SPRY1: variants seen among roughly 807,000 people sequenced by gnomAD.
The protein encoded by SPRY1 is protein sprouty homolog 1.
Under a neutral mutation model 22.6 loss-of-function variants are expected in SPRY1, and 20 were observed. That is an observed-to-expected ratio of 0.89 (90% confidence interval 0.62 to 1.29). The LOEUF is 1.29. SPRY1 is among the 50% of genes most tolerant of loss of function. SPRY1 has a pLI of 0.00. For synonymous variants in SPRY1, 155 were observed against 144.7 expected (o/e 1.07, Z -0.51); for missense variants, 446 against 387.7 (o/e 1.15, Z -1.26).
Position 123,403,703 on chromosome 4 carries a change from C to G in SPRY1, c.*1152C>G, listed in dbSNP as rs557885146. 1 of 166,874 alleles carries G rather than the reference C, an allele frequency of 6.0e-6. No individual in the cohort carries two copies. The highest frequency in any genetic ancestry group is 2.4e-5 in the African/African-American group (1 of 41,396). 10.3% of individuals were successfully genotyped at this position (166,874 alleles called of 1,614,324 possible). On this transcript the variant is annotated 3_prime_UTR_variant, in exon 3 of 3. Coordinates refer to ENST00000651917, the MANE Select transcript of SPRY1 (RefSeq NM_001258038.2). ...ATACTTAACGGAAAATAAGGTGACA[C>G]GAAGAAAGTACATATGTTAACTATA...
intron 2 of SPRY1, chr4:123,398,142 C>T (rs995988228): frequency 6.6e-6 from 1 of 152,368 alleles, no homozygotes; most frequent in Non-Finnish European, 1.5e-5. Context: ...CCGCCACTCC[C>T]CTACTTGTTT....
Position 123,402,083 on chromosome 4 carries a change from T to G in SPRY1, c.492T>G (p.Asp164Glu), listed in dbSNP as rs1037464836. 1 of 1,614,206 alleles carries G rather than the reference T, an allele frequency of 6.2e-7. No homozygotes were observed. Among genetic ancestry groups the G allele is most frequent in the African/African-American group, 1.3e-5 (1 of 75,052 alleles). The change falls in exon 3 of 3, where the codon GAT becomes GAG. Residue 164 changes from aspartate to glutamate, a missense_variant. Asp to Glu is a conservative substitution (Grantham distance 45, BLOSUM62 2). Coordinates refer to ENST00000651917, the MANE Select transcript of SPRY1 (RefSeq NM_001258038.2). The stretch of plus-strand genomic sequence containing the variant: ...CCCAGCCCAAGCAACTGATTGTGGA[T>G]GACTTGAAGGGTTCCTTGAAAGAGG... Reference protein sequence around the residue: ...IRTQPKQLIVDDLKGSLKEDL... With the variant: ...IRTQPKQLIVEDLKGSLKEDL...
rs543571338 is a variant in SPRY1 at position 123,401,426 on chromosome 4, G to A, written c.-55-111G>A. On this transcript the variant is annotated intron_variant, in intron 2 of 2. Coordinates refer to ENST00000651917, the MANE Select transcript of SPRY1 (RefSeq NM_001258038.2). The stretch of plus-strand genomic sequence containing the variant: ...TCATTGTAATCCACTGATGAAGGAG[G>A]TCATTACTAGGCGGTTTAGGCAATT... 3 of 877,006 alleles carry A rather than the reference G, an allele frequency of 3.4e-6. No homozygotes were observed. In the East Asian group the frequency reaches 7.5e-5, roughly 22 times the overall value. The allele number at this position is 877,006 out of a possible 1,614,324, so 54.3% of individuals were successfully genotyped here. A position where few individuals can be genotyped will look rare whatever the true frequency, so the allele number is the denominator to read the frequency against.
At chr4:123,400,639 G>C (rs895129180) in intron 2 of SPRY1, among the ~76,000 whole-genome samples, 1 of 152,180 alleles carries the variant, frequency 6.6e-6, no homozygotes, top group Non-Finnish European at 1.5e-5. Flanking sequence ...TTGGCAGTGC[G>C]TTTGAAAATC....
At position 123,401,977 on chromosome 4, in the gene SPRY1, C is replaced by T. The variant is rs1224884461; in HGVS notation, c.386C>T (p.Ala129Val). 6.2e-7 allele frequency: 1 copy of T among 1,614,058 alleles called. No homozygotes were observed. The highest frequency in any genetic ancestry group is 8.5e-7 in the Non-Finnish European group (1 of 1,180,038). ...SAASSGSNSSASSEQGLLGRS... is the reference protein window; with the variant it reads ...SAASSGSNSSVSSEQGLLGRS... ...GCCAGCTCTGGGAGCAACAGCAGTG[C>T]CTCTTCTGAACAGGGACTGTTAGGA... Residue 129 changes from alanine to valine, a missense_variant, in exon 3 of 3, where the codon GCC becomes GTC. Physicochemically the swap from Ala to Val is moderately conservative, Grantham distance 64. Coordinates refer to ENST00000651917, the MANE Select transcript of SPRY1 (RefSeq NM_001258038.2).
At chr4:123,398,758 C>G (rs1247444691) in intron 2 of SPRY1, among the ~76,000 whole-genome samples, 1 of 152,128 alleles carries the variant, frequency 6.6e-6, no homozygotes, top group African/African-American at 2.4e-5. Context: ...GGCTGCGGAA[C>G]GTAACAGGAC....
rs114172721 is a variant in SPRY1, at chr4:123,401,744, T to C, written c.153T>C (p.Asn51=). The part of the protein sequence containing the change: ...LDQIKAIRGS[N]EYTEGPSVVK... ...AGATCAAGGCCATAAGAGGCAGCAA[T>C]GAATACACAGAAGGGCCTTCGGTGG... The change falls in exon 3 of 3, where the codon AAT becomes AAC. Residue 51 remains asparagine (N), a synonymous_variant. Coordinates refer to ENST00000651917, the MANE Select transcript of SPRY1 (RefSeq NM_001258038.2). 3.5e-4 allele frequency: 563 copies of C among 1,614,100 alleles called. 2 individuals are homozygous for C. The highest frequency in any genetic ancestry group is 3.3e-3 in the African/African-American group (245 of 74,994).
In SPRY1 at chr4:123,401,311, T is replaced by G. The variant is rs529260838; in HGVS notation, c.-55-226T>G. Among the ~76,000 whole-genome samples, 30 of 152,320 alleles carry G rather than the reference T, an allele frequency of 2.0e-4. No homozygotes were observed. In the South Asian group the frequency reaches 5.2e-3, roughly 26 times the overall value. ...TTAAAAGTTGGAAAAACTTATAATG[T>G]TCATGGCATGGGGTCTCTTGTTTAT... On this transcript the variant is annotated intron_variant, in intron 2 of 2. Transcript: ENST00000651917.
Position 123,401,065 on chromosome 4 carries a change from A to G in SPRY1, c.-55-472A>G, listed in dbSNP as rs770548393. ...TTTTTTCATCATTAATCTAATGCAT[A>G]TAACAGCACACAACAAAAAGGCTGT... On this transcript the variant is annotated intron_variant, in intron 2 of 2. Transcript: ENST00000651917. Among the ~76,000 whole-genome samples, 8 of 152,212 alleles carry G rather than the reference A, an allele frequency of 5.3e-5. No homozygotes were observed. The South Asian group carries it at 1.5e-3, about 28-fold the overall frequency.
At chr4:123,398,017 G>A (rs946376427) in intron 2 of SPRY1, 161 bp downstream of exon 2, 1 of 152,066 alleles carries the variant, frequency 6.6e-6, no homozygotes, top group Non-Finnish European at 1.5e-5. Flanking sequence ...CCGTGACGTG[G>A]ATTTTTCGCT....
chr4:123,400,835 A>G (rs1179372020), intron 2 of SPRY1, among the ~76,000 whole-genome samples: 4 of 152,168 alleles, frequency 2.6e-5, no homozygotes, highest in Admixed American at 1.3e-4. Flanking sequence ...GTACTGTTAT[A>G]TATCATTCAC....
Position 123,403,545 on chromosome 4 carries a change from CTA to C in SPRY1, c.*996_*997del, listed in dbSNP as rs34011364. On this transcript the variant is annotated 3_prime_UTR_variant, in exon 3 of 3. Transcript: ENST00000651917. ...TATAAATCACAAAGTTGAATTCTGA[CTA>C]TTTTTAAGACAAAAGTCTGTTAAAC... 3,011 of 167,064 alleles carry C rather than the reference CTA, an allele frequency of 0.018. 41 individuals are homozygous for C. Among genetic ancestry groups the C allele is most frequent in the Non-Finnish European group, 0.029 (1,976 of 68,086 alleles). 10.3% of individuals were successfully genotyped at this position (167,064 alleles called of 1,614,324 possible).
chr4:123,402,026 C>A lies in SPRY1; in HGVS notation c.435C>A (p.Val145=). The change falls in exon 3 of 3, where the codon GTC becomes GTA. Residue 145 remains valine (V), a synonymous_variant. Transcript: ENST00000651917. ...LLGRSPPTRP[V]PGHRSERAIR... ...GAAGGTCACCACCAACCAGACCAGT[C>A]CCTGGTCATAGGTCTGAAAGGGCAA... The A allele has an allele frequency of 6.2e-7, 1 of 1,614,108 alleles. No individual in the cohort carries two copies. The highest frequency in any genetic ancestry group is 1.3e-5 in the African/African-American group (1 of 75,016).
In SPRY1 at chr4:123,402,954, T is replaced by A. The variant is rs1395386236; in HGVS notation, c.*403T>A. Reference sequence around the variant, plus strand: ...AATTGGTTTTTTAAAAAGCAACTGTTTAATTGCTTAAATAAGCTATGTATT... The same window carrying A: ...AATTGGTTTTTTAAAAAGCAACTGTATAATTGCTTAAATAAGCTATGTATT... On this transcript the variant is annotated 3_prime_UTR_variant, in exon 3 of 3. Coordinates refer to ENST00000651917, the MANE Select transcript of SPRY1 (RefSeq NM_001258038.2). 2.3e-6 allele frequency: 1 copy of A among 429,036 alleles called. No individual in the cohort carries two copies. The highest frequency in any genetic ancestry group is 4.3e-6 in the Non-Finnish European group (1 of 234,750). 26.6% of individuals were successfully genotyped at this position (429,036 alleles called of 1,614,324 possible).
intron 2 of SPRY1, chr4:123,398,468 T>G (rs920955842): frequency 6.6e-6 from 1 of 151,270 alleles, no homozygotes; most frequent in Non-Finnish European, 1.5e-5. Context: ...CACCAGGACC[T>G]GGGCCGGGTC....
intron 2 of SPRY1, among the ~76,000 whole-genome samples, chr4:123,400,900 G>T (rs1725119719): frequency 6.6e-6 from 1 of 152,106 alleles, no homozygotes; most frequent in African/African-American, 2.4e-5. Flanking sequence ...AAAACACCAA[G>T]AATCGTTGTG....
chr4:123,401,715 GA>G lies in SPRY1; in HGVS notation c.125del (p.Asp42AlafsTer6). ...EIQPTAILSLDQIKAIRGSNE... is the reference protein window; with the variant it reads ...EIQPTAILSLXQIKAIRGSNE... ...TCAGCCTACTGCTATTTTGTCCTTA[GA>G]CCAGATCAAGGCCATAAGAGGCAGC... On this transcript the variant is annotated frameshift_variant, in exon 3 of 3. Coordinates refer to ENST00000651917, the MANE Select transcript of SPRY1 (RefSeq NM_001258038.2). LOFTEE classifies it high-confidence loss of function. 2 of 1,614,150 alleles carry G rather than the reference GA, an allele frequency of 1.2e-6. No homozygotes were observed. Among genetic ancestry groups the G allele is most frequent in the Non-Finnish European group, 1.7e-6 (2 of 1,180,038 alleles).
chr4:123,402,238 T>G lies in SPRY1; in HGVS notation c.647T>G (p.Val216Gly). Residue 216 changes from valine (V) to glycine (G), a missense_variant, in exon 3 of 3, where the codon GTG becomes GGG. By Grantham distance (109) the Val-to-Gly change is moderately radical. Coordinates refer to ENST00000651917, the MANE Select transcript of SPRY1 (RefSeq NM_001258038.2). ...RQCLCSAESMVEYGTCMCLVK... is the reference protein window; with the variant it reads ...RQCLCSAESMGEYGTCMCLVK... ...TGCCTTTGCTCTGCTGAGAGCATGG[T>G]GGAATATGGAACCTGCATGTGCTTA... 2 of 1,614,238 alleles carry G rather than the reference T, an allele frequency of 1.2e-6. No homozygotes were observed. Among genetic ancestry groups the G allele is most frequent in the Non-Finnish European group, 1.7e-6 (2 of 1,180,042 alleles).
Position 123,402,207 on chromosome 4 carries a change from C to G in SPRY1, c.616C>G (p.Arg206Gly). The G allele has an allele frequency of 1.2e-6, 2 of 1,614,210 alleles. No homozygotes were observed. Among genetic ancestry groups the G allele is most frequent in the South Asian group, 2.2e-5 (2 of 91,082 alleles). The stretch of plus-strand genomic sequence containing the variant: ...CCTACCATCCTGTTTGGCCTGTAAC[C>G]GGCAGTGCCTTTGCTCTGCTGAGAG... ...RTLPSCLACNRQCLCSAESMV... is the reference protein window; with the variant it reads ...RTLPSCLACNGQCLCSAESMV... Residue 206 changes from arginine (R) to glycine (G), a missense_variant, in exon 3 of 3, where the codon CGG becomes GGG. By Grantham distance (125) the Arg-to-Gly change is moderately radical. Coordinates refer to ENST00000651917, the MANE Select transcript of SPRY1 (RefSeq NM_001258038.2).
Sources: allele counts gnomAD v4.1 joint callset (sites outside exome capture counted in the v4.1 genomes callset), GRCh38; gene constraint gnomAD v4.1.1; transcripts MANE v1.5; gene names NCBI Gene and HGNC (gene_info 2026-07-23, HGNC 2026-07-21).